Variants in GALNT2 observed in about 807,000 individuals in gnomAD.
The protein encoded by GALNT2 is polypeptide N-acetylgalactosaminyltransferase 2.
GALNT2 carries 31 observed loss-of-function variants against 81.4 expected under a neutral mutation model. That is an observed-to-expected ratio of 0.38 (90% CI 0.29 to 0.51). The LOEUF is 0.51. GALNT2 is among the 20% of genes least tolerant of loss of function. The probability of loss-of-function intolerance (pLI) is 0.87; values close to 1 mark genes in which losing one functional copy is unlikely to be tolerated. For synonymous variants in GALNT2, 303 were observed against 287.4 expected (o/e 1.05, Z -0.55); for missense variants, 629 against 765.7 (o/e 0.82, Z 2.11).
chr1:230,103,759 G>C (rs1218404131), intron 1 of GALNT2, among the ~76,000 whole-genome samples: 1 of 152,038 alleles, frequency 6.6e-6, no homozygotes, highest in Non-Finnish European at 1.5e-5. Context: ...TTATCATGTA[G>C]GCACTGTTGC....
chr1:230,258,677 A>G (rs1460004536), intron 11 of GALNT2: 2 of 152,242 alleles, frequency 1.3e-5, no homozygotes, highest in African/African-American at 4.8e-5. Context: ...CTCAAAAACT[A>G]TGTTTCTTCA....
At chr1:230,059,095 T>C (rs2102731322) in intron 1 of GALNT2, among the ~76,000 whole-genome samples, 1 of 152,300 alleles carries the variant, frequency 6.6e-6, no homozygotes, top group East Asian at 1.9e-4. Flanking sequence ...TTGTCCCCCT[T>C]TAAAGTATTT....
At chr1:230,129,978 CG>C (rs1385808736) in intron 1 of GALNT2, among the ~76,000 whole-genome samples, 1 of 152,228 alleles carries the variant, frequency 6.6e-6, no homozygotes, top group Non-Finnish European at 1.5e-5. Flanking sequence ...GTACGCTGAA[CG>C]GGCACAATTG....
chr1:230,081,996 A>C (rs1046441449), intron 1 of GALNT2, among the ~76,000 whole-genome samples: 2 of 152,218 alleles, frequency 1.3e-5, no homozygotes, highest in Admixed American at 1.3e-4. Context: ...CCCTTCCTGC[A>C]GGTACTTCTG....
chr1:230,244,691 T>C (rs909201508), intron 7 of GALNT2, among the ~76,000 whole-genome samples: 4 of 152,192 alleles, frequency 2.6e-5, no homozygotes, highest in Non-Finnish European at 4.4e-5. Context: ...AATTGAGCCT[T>C]ATGAAACAAA....
Position 230,281,793 on chromosome 1 carries a change from C to CTGCGGT in GALNT2, c.*2340_*2345dup, listed in dbSNP as rs1314657811. On this transcript the variant is annotated 3_prime_UTR_variant, in exon 16 of 16. Coordinates refer to ENST00000366672, the MANE Select transcript of GALNT2 (RefSeq NM_004481.5). ...TGACACAGTGTGCCAAAGTGACTTA[C>CTGCGGT]TGCGGTTGCGTTAGTTTTTAATCAT... 2.0e-5 allele frequency: 3 copies of CTGCGGT among 152,586 alleles called. No individual in the cohort carries two copies. Among genetic ancestry groups the CTGCGGT allele is most frequent in the Non-Finnish European group, 4.4e-5 (3 of 68,034 alleles). The allele number at this position is 152,586 out of a possible 1,614,324, so 9.5% of individuals were successfully genotyped here.
intron 1 of GALNT2, among the ~76,000 whole-genome samples, chr1:230,129,591 G>A (rs759238394): frequency 1.3e-5 from 2 of 152,176 alleles, no homozygotes; most frequent in Non-Finnish European, 2.9e-5. Flanking sequence ...AAGTCCTGGT[G>A]TTATAGAAGT....
At chr1:230,226,737 A>G (rs1395886986) in intron 3 of GALNT2, among the ~76,000 whole-genome samples, 1 of 152,084 alleles carries the variant, frequency 6.6e-6, no homozygotes, top group African/African-American at 2.4e-5. Flanking sequence ...CCCCCTCCCC[A>G]TTTCACTCAC....
chr1:230,239,557 G>A (rs1480528395), intron 6 of GALNT2, among the ~76,000 whole-genome samples: 1 of 152,236 alleles, frequency 6.6e-6, no homozygotes, highest in East Asian at 1.9e-4. Context: ...GACCAAGCCA[G>A]TCCAGTCTCT....
intron 8 of GALNT2, 73 bp from the exon 9 acceptor site, chr1:230,249,111 T>C (rs1430176642): frequency 1.5e-6 from 2 of 1,346,226 alleles, no homozygotes; most frequent in Non-Finnish European, 2.1e-6. Flanking sequence ...ATTTTTAAGC[T>C]GTGAGGAATG....
chr1:230,097,202 G>A (rs1660277872), intron 1 of GALNT2, among the ~76,000 whole-genome samples: 1 of 152,188 alleles, frequency 6.6e-6, no homozygotes, highest in South Asian at 2.1e-4. Flanking sequence ...TTATCATACT[G>A]AGGTTCCCAG....
chr1:230,232,440 G>A (rs938974675), intron 3 of GALNT2, among the ~76,000 whole-genome samples: 3 of 152,210 alleles, frequency 2.0e-5, no homozygotes, highest in African/African-American at 7.2e-5. Context: ...GAGGCTTCCT[G>A]CAGAGAAAAG....
In GALNT2 at chr1:230,243,486, A is replaced by T; in HGVS notation, c.729+59A>T. The T allele has an allele frequency of 6.3e-7, 1 of 1,594,498 alleles. No homozygotes were observed. The highest frequency in any genetic ancestry group is 8.5e-7 in the Non-Finnish European group (1 of 1,175,532). On this transcript the variant is annotated intron_variant, in intron 7 of 15. Transcript: ENST00000366672. This position sits in a 1 kb window ranked among gnomAD's most constrained non-coding sequence, Gnocchi z 4.2. ...CGTGGGTGGTTGGTAGAGGGGACAGAAGGGAGCATGGTCCAGGGGAGGTGT... is the reference window on the plus strand; with the variant it reads ...CGTGGGTGGTTGGTAGAGGGGACAGTAGGGAGCATGGTCCAGGGGAGGTGT...
At chr1:230,128,893 A>G (rs1180550270) in intron 1 of GALNT2, among the ~76,000 whole-genome samples, 1 of 152,202 alleles carries the variant, frequency 6.6e-6, no homozygotes, top group African/African-American at 2.4e-5. Flanking sequence ...ATGCCTCAGC[A>G]CTGTTGAGAG....
chr1:230,088,162 G>A (rs1571946548), intron 1 of GALNT2, among the ~76,000 whole-genome samples: 1 of 151,610 alleles, frequency 6.6e-6, no homozygotes, highest in Non-Finnish European at 1.5e-5. Context: ...ATTTTTAAGT[G>A]TACAGTTTTG....
chr1:230,087,178 C>T (rs1370012634), intron 1 of GALNT2, among the ~76,000 whole-genome samples: 1 of 152,184 alleles, frequency 6.6e-6, no homozygotes, highest in African/African-American at 2.4e-5. Context: ...CATCTGGCAC[C>T]GCCCTTTCCA....
chr1:230,144,944 G>A (rs1340544345), intron 1 of GALNT2, among the ~76,000 whole-genome samples: 6 of 152,068 alleles, frequency 3.9e-5, no homozygotes, highest in Non-Finnish European at 5.9e-5. Flanking sequence ...TGATCTCCCC[G>A]CAGGCCTTGA....
rs1250401642 is a variant in GALNT2 at position 230,271,721 on chromosome 1, A to G, written c.1441-2724A>G. On this transcript the variant is annotated intron_variant, in intron 14 of 15. Transcript: ENST00000366672. This position sits in a 1 kb window ranked among gnomAD's most constrained non-coding sequence, Gnocchi z 4.2. Reference sequence around the variant, plus strand: ...AGGAGCAGCTGGACGGGAGAGATGCATAGCACGCGGTGTGGAGGTGGGGTG... The same window carrying G: ...AGGAGCAGCTGGACGGGAGAGATGCGTAGCACGCGGTGTGGAGGTGGGGTG... Among the ~76,000 whole-genome samples, 3 of 152,242 alleles carry G rather than the reference A, an allele frequency of 2.0e-5. No individual in the cohort carries two copies. Among genetic ancestry groups the G allele is most frequent in the Admixed American group, 6.5e-5 (1 of 15,282 alleles).
intron 1 of GALNT2, among the ~76,000 whole-genome samples, chr1:230,153,785 TGGGCCTCCTGGCGTGGCCTCGG>T (rs1182100715): frequency 2.6e-5 from 4 of 152,390 alleles, no homozygotes; most frequent in Non-Finnish European, 5.9e-5. Context: ...TTCCCACTCC[TGGGCCTCCTGGCGTGGCCTCGG>T]GGGCCCCTGG....
Sources: gnomAD v4.1 joint callset for allele counts (sites outside exome capture counted in the v4.1 genomes callset) on GRCh38, gnomAD v4.1.1 for gene constraint, Gnocchi (gnomAD v3.1) non-coding constraint, MANE v1.5 for transcripts, NCBI Gene and HGNC (gene_info 2026-07-23, HGNC 2026-07-21) for gene names.